BCAS3: variants seen among roughly 807,000 people sequenced by gnomAD.
BCAS3 encodes BCAS3 microtubule associated cell migration factor, also known as BCAS4/BCAS3 fusion.
A neutral mutation model predicts 116.1 loss-of-function variants in BCAS3; 53 were observed. That is an observed-to-expected ratio of 0.46 (90% CI 0.37 to 0.57). BCAS3 has a LOEUF of 0.57. BCAS3 is among the 20% of genes least tolerant of loss of function. The pLI, the probability that BCAS3 is intolerant of heterozygous loss-of-function variation, is 0.00. For synonymous variants in BCAS3, 391 were observed against 408.2 expected, an observed-to-expected ratio of 0.96 and a Z score of 0.51; for missense variants, 917 against 1,165.4, an observed-to-expected ratio of 0.79 and a Z score of 3.10.
At chr17:60,708,070 T>C in intron 4 of BCAS3, among the ~76,000 whole-genome samples, 1 of 152,144 alleles carries the variant, frequency 6.6e-6, no homozygotes, top group Non-Finnish European at 1.5e-5. Context: ...ATACCTGCAA[T>C]CCCAGCACTT....
intron 22 of BCAS3, among the ~76,000 whole-genome samples, chr17:61,264,732 T>G (rs1366103636): frequency 6.6e-6 from 1 of 152,096 alleles, no homozygotes; most frequent in Non-Finnish European, 1.5e-5. Flanking sequence ...TAAAAACATA[T>G]TGAGAGTGAA....
rs2057369792 is a variant in BCAS3, at chr17:61,344,352, G to C, written c.2426-23975G>C. Among the ~76,000 whole-genome samples the C allele has an allele frequency of 6.6e-6, 1 of 152,120 alleles. No individual in the cohort carries two copies. Among genetic ancestry groups the C allele is most frequent in the Non-Finnish European group, 1.5e-5 (1 of 68,026 alleles). ...CCAAGTCTCTGGGTCTTCTTGTCAA[G>C]ACTAATTTCCTTTTAGGCCCAGCTT... On this transcript the variant is annotated intron_variant, in intron 22 of 23. Coordinates refer to ENST00000407086, the MANE Select transcript of BCAS3 (RefSeq NM_017679.5). The surrounding 1 kb of genome is among the most constrained non-coding windows in gnomAD (Gnocchi z 4.1).
chr17:61,302,000 G>A (rs78050693), intron 22 of BCAS3, among the ~76,000 whole-genome samples: 2,243 of 152,230 alleles, frequency 0.015, 40 homozygotes, highest in African/African-American at 0.036. Context: ...GGTGAAGCAC[G>A]GCCACTTTGA....
rs2066745087 is a variant in BCAS3 at position 61,032,842 on chromosome 17, G to T, written c.1638-1824G>T. 6.6e-6 allele frequency among the ~76,000 whole-genome samples: 1 copy of T among 152,168 alleles called. No individual in the cohort carries two copies. Among genetic ancestry groups the T allele is most frequent in the African/African-American group, 2.4e-5 (1 of 41,442 alleles). Reference sequence around the variant, plus strand: ...TAGGCATGGATGTTTTTTGTTGCAGGAATAATGAGAAGTGTTTTAAGAAAT... The same window carrying T: ...TAGGCATGGATGTTTTTTGTTGCAGTAATAATGAGAAGTGTTTTAAGAAAT... On this transcript the variant is annotated intron_variant, in intron 16 of 23. Transcript: ENST00000407086. The surrounding 1 kb of genome is among the most constrained non-coding windows in gnomAD (Gnocchi z 4.6).
chr17:61,195,032 A>T (rs564753832), intron 22 of BCAS3, among the ~76,000 whole-genome samples: 72 of 152,344 alleles, frequency 4.7e-4, no homozygotes, highest in Non-Finnish European at 9.3e-4. Context: ...GCTCTCATGG[A>T]GCTTTCACAG....
intron 6 of BCAS3, among the ~76,000 whole-genome samples, chr17:60,796,396 A>T (rs2047217260): frequency 6.6e-6 from 1 of 152,096 alleles, no homozygotes. Flanking sequence ...TTACCATTTC[A>T]GTCTTGCTGC....
chr17:60,684,630 C>G (rs942898892), intron 3 of BCAS3, among the ~76,000 whole-genome samples: 1 of 152,050 alleles, frequency 6.6e-6, no homozygotes, highest in Non-Finnish European at 1.5e-5. Flanking sequence ...ATAATTTCCT[C>G]TCTCAGAGTC....
rs116087378 is a variant in BCAS3 at position 61,022,728 on chromosome 17, C to T, written c.1637+6827C>T. ...GATCATAGTTCACTGTATCTTCAAA[C>T]TCCTGGGCTCAAGTGATCGTCCCAC... On this transcript the variant is annotated intron_variant, in intron 16 of 23. Transcript: ENST00000407086. 4.9e-3 allele frequency among the ~76,000 whole-genome samples: 751 copies of T among 152,268 alleles called. 5 individuals carry two copies. Among genetic ancestry groups the T allele is most frequent in the African/African-American group, 0.017 (723 of 41,554 alleles).
Position 61,134,425 on chromosome 17 carries a change from C to T in BCAS3, c.2425+49861C>T, listed in dbSNP as rs925772359. 3.9e-5 allele frequency among the ~76,000 whole-genome samples: 6 copies of T among 152,156 alleles called. No homozygotes were observed. Among genetic ancestry groups the T allele is most frequent in the South Asian group, 2.1e-4 (1 of 4,824 alleles). On this transcript the variant is annotated intron_variant, in intron 22 of 23. Transcript: ENST00000407086. This position sits in a 1 kb window ranked among gnomAD's most constrained non-coding sequence, Gnocchi z 4.6. ...CTGGTGGAATGAGGATTCGGAACCA[C>T]GCATGTCTGACTCCAGAGCCCTCGC...
chr17:60,783,328 C>T (rs2045990252), intron 6 of BCAS3, among the ~76,000 whole-genome samples: 1 of 152,180 alleles, frequency 6.6e-6, no homozygotes, highest in African/African-American at 2.4e-5. Flanking sequence ...CCTCAGTCTG[C>T]TGAGTAGCTG....
In BCAS3 at chr17:61,140,762, A is replaced by G. The variant is rs1234495020; in HGVS notation, c.2425+56198A>G. Among the ~76,000 whole-genome samples the G allele has an allele frequency of 2.0e-5, 3 of 152,218 alleles. No homozygotes were observed. The highest frequency in any genetic ancestry group is 1.3e-4 in the Admixed American group (2 of 15,284). ...TATTTACATAGTTTATAGTTGTTACATAAAACTTTCATGTTCTTTTCCTTA... is the reference window on the plus strand; with the variant it reads ...TATTTACATAGTTTATAGTTGTTACGTAAAACTTTCATGTTCTTTTCCTTA... On this transcript the variant is annotated intron_variant, in intron 22 of 23. Coordinates refer to ENST00000407086, the MANE Select transcript of BCAS3 (RefSeq NM_017679.5). The surrounding 1 kb of genome is among the most constrained non-coding windows in gnomAD (Gnocchi z 4.2).
intron 4 of BCAS3, among the ~76,000 whole-genome samples, chr17:60,706,116 G>A (rs1350440089): frequency 6.6e-6 from 1 of 152,058 alleles, no homozygotes; most frequent in Non-Finnish European, 1.5e-5. Flanking sequence ...AGGCTGGAGT[G>A]CAGTGGTGTG....
At chr17:60,757,256 A>G (rs12935962) in intron 6 of BCAS3, among the ~76,000 whole-genome samples, 109,917 of 151,488 alleles carry the variant, frequency 0.73, 45,568 homozygotes, top group South Asian at 0.98. Flanking sequence ...CAGAGGTTGC[A>G]GTGAGCTGAG....
chr17:60,741,349 G>C (rs2041531012), intron 5 of BCAS3, among the ~76,000 whole-genome samples: 1 of 152,214 alleles, frequency 6.6e-6, no homozygotes, highest in African/African-American at 2.4e-5. Context: ...GAAGGACATT[G>C]TGTTGCTAGA....
At chr17:60,925,222 A>G (rs2059309649) in intron 13 of BCAS3, among the ~76,000 whole-genome samples, 1 of 151,978 alleles carries the variant, frequency 6.6e-6, no homozygotes, top group East Asian at 1.9e-4. Context: ...TTTCATTATG[A>G]TAATGTTTTT....
intron 16 of BCAS3, among the ~76,000 whole-genome samples, chr17:61,022,746 C>T (rs1421205746): frequency 6.6e-6 from 1 of 152,094 alleles, no homozygotes; most frequent in East Asian, 1.9e-4. Context: ...CTCAAGTGAT[C>T]GTCCCACTTC....
intron 6 of BCAS3, among the ~76,000 whole-genome samples, chr17:60,791,154 C>T (rs1301887452): frequency 6.6e-6 from 1 of 152,136 alleles, no homozygotes; most frequent in Non-Finnish European, 1.5e-5. Context: ...CTGCTGGGCT[C>T]AAACCTCCGG....
Position 60,940,853 on chromosome 17 carries a change from TTAGG to T in BCAS3, c.1088-6360_1088-6357del, listed in dbSNP as rs2060186799. ...GTGTATATGATAAAGAACCATACAA[TTAGG>T]TAGGTGTTATAAATAGGATATGGCA... On this transcript the variant is annotated intron_variant, in intron 13 of 23. Transcript: ENST00000407086. Among the ~76,000 whole-genome samples, 4 of 152,280 alleles carry T rather than the reference TTAGG, an allele frequency of 2.6e-5. No individual in the cohort carries two copies. In the South Asian group the frequency reaches 8.3e-4, roughly 32 times the overall value.
chr17:61,115,149 C>G (rs1340502020), intron 22 of BCAS3, among the ~76,000 whole-genome samples: 1 of 151,688 alleles, frequency 6.6e-6, no homozygotes, highest in Non-Finnish European at 1.5e-5. Context: ...AGAAGAAAAC[C>G]TAGGCATTAC....
Sources: allele counts gnomAD v4.1 joint callset (sites outside exome capture counted in the v4.1 genomes callset), GRCh38; gene constraint gnomAD v4.1.1; non-coding constraint Gnocchi (gnomAD v3.1); transcripts MANE v1.5; gene names NCBI Gene and HGNC (gene_info 2026-07-23, HGNC 2026-07-21).